The following ZBBX variants were observed in gnomAD, a reference collection of about 807,000 sequenced individuals.
ZBBX encodes the protein zinc finger B-box domain containing, also known as zinc finger B-box domain-containing protein 1.
A neutral mutation model predicts 108.5 loss-of-function variants in ZBBX; 101 were observed. The observed-to-expected ratio is 0.93, with a 90% CI of 0.79 to 1.10. ZBBX has a LOEUF of 1.10. ZBBX is among the 50% of genes least tolerant of loss of function. ZBBX has a pLI of 0.00. For synonymous variants in ZBBX, 356 were observed against 323.4 expected (o/e 1.10, Z -1.08); for missense variants, 1,009 against 941.4 (o/e 1.07, Z -0.94).
intron 1 of ZBBX, among the ~76,000 whole-genome samples, chr3:167,395,091 A>G (rs751433773): frequency 9.2e-5 from 14 of 151,976 alleles, no homozygotes; most frequent in Non-Finnish European, 1.8e-4. Flanking sequence ...TTTCTCTTTT[A>G]CTTTCTAAAG....
the ZBBX span, among the ~76,000 whole-genome samples, chr3:167,233,905 C>T: frequency 6.6e-6 from 1 of 151,668 alleles, no homozygotes; most frequent in African/African-American, 2.4e-5. Flanking sequence ...CAGAGACTTC[C>T]TAGGGCTTTA....
chr3:167,371,128 T>C (rs1746099902), intron 4 of ZBBX, among the ~76,000 whole-genome samples: 1 of 152,122 alleles, frequency 6.6e-6, no homozygotes, highest in East Asian at 1.9e-4. Context: ...CTGTCCTGGT[T>C]TTTAATGGTT....
intron 1 of ZBBX, among the ~76,000 whole-genome samples, chr3:167,386,100 G>A (rs1012732205): frequency 4.6e-5 from 7 of 151,664 alleles, no homozygotes; most frequent in Non-Finnish European, 8.8e-5. Context: ...AAAATCATGG[G>A]GCAAAAATAT....
At chr3:167,397,103 T>C (rs1056701010) in intron 1 of ZBBX, among the ~76,000 whole-genome samples, 11 of 134,764 alleles carry the variant, frequency 8.2e-5, no homozygotes, top group Non-Finnish European at 1.7e-4. Flanking sequence ...ACCTTAAGAA[T>C]TGCTAAGATA....
At chr3:167,330,490 A>G (rs1410329458) in intron 10 of ZBBX, among the ~76,000 whole-genome samples, 40 of 152,120 alleles carry the variant, frequency 2.6e-4, no homozygotes, top group Non-Finnish European at 4.4e-5. Context: ...TTGAAGCCCT[A>G]ACCCCCAATG....
chr3:167,226,141 T>C, the ZBBX span, among the ~76,000 whole-genome samples: 1 of 149,216 alleles, frequency 6.7e-6, no homozygotes, highest in Non-Finnish European at 1.5e-5. Context: ...ATAATAATGA[T>C]AAAAATAATA....
chr3:167,279,450 A>G (rs1180576665), intron 20 of ZBBX, among the ~76,000 whole-genome samples: 2 of 152,012 alleles, frequency 1.3e-5, no homozygotes, highest in Non-Finnish European at 2.9e-5. Context: ...TTCTACACCA[A>G]TAACAGACAA....
chr3:167,231,440 C>T, the ZBBX span, among the ~76,000 whole-genome samples: 1 of 151,614 alleles, frequency 6.6e-6, no homozygotes, highest in African/African-American at 2.4e-5. Flanking sequence ...AATGCTGAGA[C>T]CCTGACTAAG....
At chr3:167,335,422 C>T (rs1577029651) in intron 9 of ZBBX, among the ~76,000 whole-genome samples, 2 of 152,046 alleles carry the variant, frequency 1.3e-5, no homozygotes, top group East Asian at 3.9e-4. Flanking sequence ...TGCCTAGGGA[C>T]TGCAGGATTT....
intron 19 of ZBBX, among the ~76,000 whole-genome samples, chr3:167,288,467 T>C (rs1442630826): frequency 2.6e-5 from 4 of 152,166 alleles, no homozygotes; most frequent in Non-Finnish European, 5.9e-5. Context: ...AGTCAATCAT[T>C]TCACATATGG....
At chr3:167,190,493 G>A in the ZBBX span, among the ~76,000 whole-genome samples, 2 of 148,278 alleles carry the variant, frequency 1.3e-5, no homozygotes, top group African/African-American at 2.5e-5. Flanking sequence ...CCATTCTCCC[G>A]CCTCATTCTC....
At chr3:167,234,117 A>G in the ZBBX span, among the ~76,000 whole-genome samples, 24 of 151,824 alleles carry the variant, frequency 1.6e-4, no homozygotes, top group Non-Finnish European at 2.8e-4. Flanking sequence ...CACGGAGTTT[A>G]AAAGATTTAA....
chr3:167,395,025 G>C (rs1185294915), intron 1 of ZBBX, among the ~76,000 whole-genome samples: 1 of 151,994 alleles, frequency 6.6e-6, no homozygotes, highest in Non-Finnish European at 1.5e-5. Flanking sequence ...CCAACCTCTG[G>C]TTCAAGCATC....
chr3:167,287,589 T>C (rs1729926429), intron 19 of ZBBX, among the ~76,000 whole-genome samples: 1 of 152,194 alleles, frequency 6.6e-6, no homozygotes, highest in South Asian at 2.1e-4. Context: ...TTATTGATTT[T>C]GACTGATCTG....
intron 20 of ZBBX, among the ~76,000 whole-genome samples, chr3:167,281,838 T>C (rs62279771): frequency 0.34 from 51,773 of 152,066 alleles, 9,242 homozygotes; most frequent in East Asian, 0.66. Context: ...ACATTTAAGC[T>C]TGAAAAGCAC....
the ZBBX span, among the ~76,000 whole-genome samples, chr3:167,185,080 T>C: frequency 6.6e-6 from 1 of 152,206 alleles, no homozygotes; most frequent in Non-Finnish European, 1.5e-5. Context: ...AATGTATATA[T>C]AGAGACTTGG....
chr3:167,334,071 T>A, intron 9 of ZBBX, 86 bp from the exon 10 acceptor site: 1 of 874,350 alleles, frequency 1.1e-6, no homozygotes, highest in Non-Finnish European at 1.6e-6. Context: ...TGTGTTATTC[T>A]ATGACTCCCA....
intron 1 of ZBBX, among the ~76,000 whole-genome samples, chr3:167,395,036 CCAAT>C (rs1748186527): frequency 6.6e-6 from 1 of 151,956 alleles, no homozygotes; most frequent in Non-Finnish European, 1.5e-5. Context: ...TTCAAGCATC[CCAAT>C]TAACTCTAAT....
upstream of ZBBX, among the ~76,000 whole-genome samples, chr3:167,382,690 A>T (rs1747791028): frequency 6.6e-6 from 1 of 152,184 alleles, no homozygotes; most frequent in Non-Finnish European, 1.5e-5. Flanking sequence ...TTTCAATGCC[A>T]TACTAGAATA....
Sources: gnomAD v4.1 joint callset for allele counts (sites outside exome capture counted in the v4.1 genomes callset) on GRCh38, gnomAD v4.1.1 for gene constraint, MANE v1.5 for transcripts, NCBI Gene and HGNC (gene_info 2026-07-23, HGNC 2026-07-21) for gene names.